The following TRAPPC9 variants were observed in gnomAD, a reference collection of about 807,000 sequenced individuals.
The protein encoded by TRAPPC9 is trafficking protein particle complex subunit 9.
In TRAPPC9, 83 loss-of-function variants were observed where a neutral mutation model predicts 124.0. The observed-to-expected ratio is 0.67, with a 90% CI of 0.56 to 0.80. The LOEUF (loss-of-function observed/expected upper bound fraction) is 0.80, where lower values mean the gene tolerates loss of function less well. TRAPPC9 is among the 30% of genes least tolerant of loss of function. The pLI is 0.00. For synonymous variants in TRAPPC9, 638 were observed against 617.5 expected (o/e 1.03, Z -0.49); for missense variants, 1,302 against 1,508.3 (o/e 0.86, Z 2.27).
chr8:139,965,468 T>A (rs1835640208), intron 19 of TRAPPC9, among the ~76,000 whole-genome samples: 1 of 152,156 alleles, frequency 6.6e-6, no homozygotes, highest in Admixed American at 6.5e-5. Context: ...CCATCAGAGC[T>A]GCAGAACTGG....
intron 19 of TRAPPC9, among the ~76,000 whole-genome samples, chr8:139,925,239 C>T (rs1832738488): frequency 6.6e-6 from 1 of 152,210 alleles, no homozygotes; most frequent in Non-Finnish European, 1.5e-5. Context: ...TGTTACAGAG[C>T]ATCAGGCAAC....
chr8:139,790,403 G>T (rs1284062948), intron 21 of TRAPPC9, among the ~76,000 whole-genome samples: 2 of 152,216 alleles, frequency 1.3e-5, no homozygotes, highest in Non-Finnish European at 2.9e-5. Flanking sequence ...AGGTGCCATG[G>T]TAGGGGCACG....
chr8:139,864,355 T>A (rs1434862358), intron 21 of TRAPPC9, among the ~76,000 whole-genome samples: 1 of 152,226 alleles, frequency 6.6e-6, no homozygotes, highest in Admixed American at 6.5e-5. Flanking sequence ...TCCTGCAAGA[T>A]GAAGGCGCCA....
chr8:139,979,625 G>A (rs1270696118), intron 19 of TRAPPC9, among the ~76,000 whole-genome samples: 1 of 152,152 alleles, frequency 6.6e-6, no homozygotes, highest in South Asian at 2.1e-4. Context: ...ACAACACACA[G>A]CAAAGTCTAC....
chr8:139,885,859 G>A lies in TRAPPC9; in HGVS notation c.3055+20C>T. 6.4e-7 allele frequency: 1 copy of A among 1,553,372 alleles called. No individual in the cohort carries two copies. Among genetic ancestry groups the A allele is most frequent in the Non-Finnish European group, 8.7e-7 (1 of 1,147,616 alleles). ...GGAGCACATCCACCCAGAATCGATGGGTGGCTGGCGGGTACTCACCCCACT... is the reference window on the plus strand; with the variant it reads ...GGAGCACATCCACCCAGAATCGATGAGTGGCTGGCGGGTACTCACCCCACT... On this transcript the variant is annotated intron_variant, in intron 21 of 22. Coordinates refer to ENST00000438773, the MANE Select transcript of TRAPPC9 (RefSeq NM_001160372.4).
intron 17 of TRAPPC9, among the ~76,000 whole-genome samples, chr8:140,079,884 T>G (rs1843717901): frequency 6.6e-6 from 1 of 152,026 alleles, no homozygotes; most frequent in South Asian, 2.1e-4. Flanking sequence ...GAGCCAAGAT[T>G]GCACCACTGC....
chr8:139,934,123 A>G (rs978878264), intron 19 of TRAPPC9, among the ~76,000 whole-genome samples: 2 of 152,176 alleles, frequency 1.3e-5, no homozygotes, highest in African/African-American at 4.8e-5. Flanking sequence ...AGGTTAAGCT[A>G]TGTGATTGCC....
At chr8:140,305,307 T>C (rs898755112) in intron 10 of TRAPPC9, among the ~76,000 whole-genome samples, 2 of 152,148 alleles carry the variant, frequency 1.3e-5, no homozygotes, top group East Asian at 1.9e-4. Flanking sequence ...GTTCTTTTTT[T>C]TGAGAGAGAG....
At chr8:140,242,323 G>A (rs1466293029) in intron 16 of TRAPPC9, among the ~76,000 whole-genome samples, 3 of 152,216 alleles carry the variant, frequency 2.0e-5, no homozygotes, top group South Asian at 2.1e-4. Flanking sequence ...CAGATAAAAC[G>A]TGTTTGGCAT....
At chr8:140,229,648 A>C (rs1004157554) in intron 16 of TRAPPC9, among the ~76,000 whole-genome samples, 2 of 151,906 alleles carry the variant, frequency 1.3e-5, no homozygotes, top group Non-Finnish European at 2.9e-5. Context: ...GGCTCACTGC[A>C]ACCACTGCTT....
chr8:140,183,928 AGAGGAGAGGAGAGGAGAGGAGAGGGGAGG>A (rs2062276290), intron 17 of TRAPPC9, among the ~76,000 whole-genome samples: 1 of 31,184 alleles, frequency 3.2e-5, no homozygotes, highest in Non-Finnish European at 7.4e-5. Flanking sequence ...AGAGGAGAGG[AGAGGAGAGGAGAGGAGAGGAGAGGGGAGG>A]GGAGGGAGGA....
intron 11 of TRAPPC9, among the ~76,000 whole-genome samples, chr8:140,291,925 G>C (rs2065672395): frequency 6.6e-6 from 1 of 152,218 alleles, no homozygotes; most frequent in Admixed American, 6.5e-5. Flanking sequence ...GGAGTCGTGA[G>C]AGCAGGCCCT....
intron 10 of TRAPPC9, among the ~76,000 whole-genome samples, chr8:140,309,399 A>G (rs1471481500): frequency 6.6e-6 from 1 of 152,230 alleles, no homozygotes; most frequent in South Asian, 2.1e-4. Context: ...GAGTGAACCC[A>G]GGGCCTCTCG....
intron 15 of TRAPPC9, among the ~76,000 whole-genome samples, chr8:140,265,578 G>A (rs2064615585): frequency 6.6e-6 from 1 of 152,158 alleles, no homozygotes; most frequent in African/African-American, 2.4e-5. Flanking sequence ...GTGTCTGAAG[G>A]GGCTCTGCAG....
chr8:139,802,598 C>T lies in TRAPPC9; in HGVS notation c.3056-70396G>A, dbSNP rs143594000. Among the ~76,000 whole-genome samples, 35 of 152,312 alleles carry T rather than the reference C, an allele frequency of 2.3e-4. No homozygotes were observed. The East Asian group carries it at 5.4e-3, about 23-fold the overall frequency. ...TGTGAGGATGAAATATCATAGTGAT[C>T]GCAAGCTTTCAAATCCTGTAAGGTG... On this transcript the variant is annotated intron_variant, in intron 21 of 22. Coordinates refer to ENST00000438773, the MANE Select transcript of TRAPPC9 (RefSeq NM_001160372.4).
At chr8:139,733,901 C>T (rs1817994016) in intron 21 of TRAPPC9, among the ~76,000 whole-genome samples, 1 of 152,236 alleles carries the variant, frequency 6.6e-6, no homozygotes, top group Non-Finnish European at 1.5e-5. Flanking sequence ...ACTGGCCTGC[C>T]TGGCTCACAC....
Position 140,397,736 on chromosome 8 carries a change from C to T in TRAPPC9, c.1018G>A (p.Ala340Thr), listed in dbSNP as rs1209793343. 1 of 1,614,136 alleles carries T rather than the reference C, an allele frequency of 6.2e-7. No individual in the cohort carries two copies. The highest frequency in any genetic ancestry group is 8.5e-7 in the Non-Finnish European group (1 of 1,180,016). The change falls in exon 7 of 23, where the codon GCG (alanine) becomes ACG (threonine). Residue 340 changes from alanine to threonine, a missense_variant. Ala to Thr is a moderately conservative substitution (Grantham distance 58). Around this residue, in one of 3 missense-constraint regions of TRAPPC9, gnomAD observed 657 missense variants for 811.2 expected, o/e 0.81. Transcript: ENST00000438773. Reference sequence around the variant, plus strand: ...CACGCTTCCAACTCAATCACTCCCGCATTCTTATACTGCAGGGTGTAAAGG... The same window carrying T: ...CACGCTTCCAACTCAATCACTCCCGTATTCTTATACTGCAGGGTGTAAAGG... ...AISYYSKYKN[A>T]GVIELEACIK...
At chr8:140,132,429 C>A (rs1319198206) in intron 17 of TRAPPC9, among the ~76,000 whole-genome samples, 1 of 152,072 alleles carries the variant, frequency 6.6e-6, no homozygotes, top group Non-Finnish European at 1.5e-5. Context: ...TTATTATCAC[C>A]CAAACCTCAG....
At chr8:140,292,715 C>T (rs1305732969) in intron 11 of TRAPPC9, among the ~76,000 whole-genome samples, 1 of 150,910 alleles carries the variant, frequency 6.6e-6, no homozygotes, top group Non-Finnish European at 1.5e-5. Flanking sequence ...AAAATTAATT[C>T]AAGATGGATT....
Sources: allele counts gnomAD v4.1 joint callset (sites outside exome capture counted in the v4.1 genomes callset), GRCh38; gene constraint gnomAD v4.1.1; regional missense constraint gnomAD v4.1.1; transcripts MANE v1.5; gene names NCBI Gene and HGNC (gene_info 2026-07-23, HGNC 2026-07-21).